ADORA2B: variants seen among roughly 807,000 people sequenced by gnomAD.
ADORA2B encodes adenosine receptor A2b.
In ADORA2B, 18 loss-of-function variants were observed where a neutral mutation model predicts 20.8. The ratio of observed to expected loss-of-function variants is 0.87; its 90% confidence interval spans 0.60 to 1.29. The LOEUF (loss-of-function observed/expected upper bound fraction) is 1.29. Ranked by LOEUF, ADORA2B falls within the 50% of genes most tolerant of loss-of-function variation. The pLI, the probability that ADORA2B is intolerant of heterozygous loss-of-function variation, is 0.00. For missense variants in ADORA2B, 441 were observed against 422.7 expected (o/e 1.04, Z -0.38); for synonymous variants, 179 against 178.3 (o/e 1.00, Z -0.03).
At chr17:15,850,837 A>G in the ADORA2B span, among the ~76,000 whole-genome samples, 22 of 152,150 alleles carry the variant, frequency 1.4e-4, no homozygotes, top group Non-Finnish European at 2.9e-4. Context: ...ACACTTACTC[A>G]TTTCACTTTA....
At chr17:15,912,701 A>C in the ADORA2B span, among the ~76,000 whole-genome samples, 39 of 152,344 alleles carry the variant, frequency 2.6e-4, no homozygotes, top group South Asian at 6.8e-3. Context: ...ATATGCAGGC[A>C]TATGTGAACA....
intron 1 of ADORA2B, among the ~76,000 whole-genome samples, chr17:15,970,625 G>C (rs556183787): frequency 1.2e-4 from 18 of 152,204 alleles, no homozygotes; most frequent in Non-Finnish European, 2.1e-4. Context: ...AAATAAGAGA[G>C]ATTGGACTAG....
the ADORA2B span, among the ~76,000 whole-genome samples, chr17:15,892,228 G>A: frequency 6.6e-6 from 1 of 151,920 alleles, no homozygotes; most frequent in Non-Finnish European, 1.5e-5. Context: ...GAGTGCAGTG[G>A]CGTGATCTAG....
the ADORA2B span, among the ~76,000 whole-genome samples, chr17:15,867,201 C>T: frequency 2.2e-4 from 34 of 151,872 alleles, no homozygotes; most frequent in East Asian, 1.6e-3. Flanking sequence ...TCTGCCCGGC[C>T]GCCACCCCGT....
chr17:15,928,302 G>A, the ADORA2B span, among the ~76,000 whole-genome samples: 1 of 152,234 alleles, frequency 6.6e-6, no homozygotes, highest in South Asian at 2.1e-4. Flanking sequence ...GAGAAATGGG[G>A]AGATCATCGG....
the ADORA2B span, among the ~76,000 whole-genome samples, chr17:15,910,838 A>C: frequency 6.6e-6 from 1 of 152,144 alleles, no homozygotes; most frequent in African/African-American, 2.4e-5. Flanking sequence ...TGGGCTCTGC[A>C]GGTCAGTGGA....
At chr17:15,857,316 A>G in the ADORA2B span, among the ~76,000 whole-genome samples, 1 of 152,204 alleles carries the variant, frequency 6.6e-6, no homozygotes, top group Non-Finnish European at 1.5e-5. Flanking sequence ...GCAGGGATGG[A>G]ACCCTCATGG....
In ADORA2B at chr17:15,975,142, A is replaced by G. The variant is rs535525132; in HGVS notation, c.799A>G (p.Lys267Glu). The change falls in exon 2 of 2, where the codon AAG becomes GAG. Residue 267 changes from lysine (K) to glutamate (E), a missense_variant. Physicochemically the swap from Lys to Glu is moderately conservative, Grantham distance 56. Transcript: ENST00000304222. ...TTTCCAGCCAGCTCAGGGTAAAAATAAGCCCAAGTGGGCAATGAATATGGC... is the reference window on the plus strand; with the variant it reads ...TTTCCAGCCAGCTCAGGGTAAAAATGAGCCCAAGTGGGCAATGAATATGGC... ...TLFQPAQGKN[K>E]PKWAMNMAIL... 3 of 1,614,208 alleles carry G rather than the reference A, an allele frequency of 1.9e-6. No homozygotes were observed. The African/African-American group carries it at 4.0e-5, about 22-fold the overall frequency.
the ADORA2B span, among the ~76,000 whole-genome samples, chr17:15,881,505 A>G: frequency 2.6e-5 from 4 of 152,236 alleles, no homozygotes; most frequent in Admixed American, 6.5e-5. Context: ...ATGGTTGTGC[A>G]GTCATCACTA....
At chr17:15,936,046 G>A in the ADORA2B span, among the ~76,000 whole-genome samples, 1 of 151,256 alleles carries the variant, frequency 6.6e-6, no homozygotes, top group Non-Finnish European at 1.5e-5. Flanking sequence ...GTTTTGTTTT[G>A]TTTTGTTTTT....
At chr17:15,962,917 T>A (rs998647394) in intron 1 of ADORA2B, among the ~76,000 whole-genome samples, 1 of 152,222 alleles carries the variant, frequency 6.6e-6, no homozygotes, top group Non-Finnish European at 1.5e-5. Flanking sequence ...CACTTTCTTA[T>A]ATTTTGGCAT....
the ADORA2B span, among the ~76,000 whole-genome samples, chr17:15,912,883 G>C: frequency 6.6e-6 from 1 of 152,196 alleles, no homozygotes; most frequent in Non-Finnish European, 1.5e-5. Flanking sequence ...TTTCGAGCCT[G>C]GGCTGTCTGA....
At chr17:15,918,109 C>G in the ADORA2B span, among the ~76,000 whole-genome samples, 1 of 152,194 alleles carries the variant, frequency 6.6e-6, no homozygotes, top group Non-Finnish European at 1.5e-5. Flanking sequence ...CTGGAAAAGG[C>G]CTTCTTCCCG....
At chr17:15,898,481 G>C in the ADORA2B span, among the ~76,000 whole-genome samples, 1 of 137,866 alleles carries the variant, frequency 7.3e-6, no homozygotes, top group Non-Finnish European at 1.5e-5. Context: ...TTGAGACAGA[G>C]TCTCAAAATC....
At chr17:15,962,807 C>T (rs922640911) in intron 1 of ADORA2B, among the ~76,000 whole-genome samples, 18 of 152,196 alleles carry the variant, frequency 1.2e-4, no homozygotes, top group African/African-American at 3.6e-4. Context: ...CATGAGCCAC[C>T]GCGCCCGGCC....
chr17:15,887,196 C>A, the ADORA2B span, among the ~76,000 whole-genome samples: 2 of 130,320 alleles, frequency 1.5e-5, no homozygotes, highest in Non-Finnish European at 3.2e-5. Context: ...GTCCTCTTGC[C>A]ATGGGAAGGC....
the ADORA2B span, among the ~76,000 whole-genome samples, chr17:15,901,984 C>A: frequency 6.6e-6 from 1 of 152,116 alleles, no homozygotes; most frequent in Non-Finnish European, 1.5e-5. Flanking sequence ...CAGCACTCTT[C>A]ATCTTCTCAA....
At chr17:15,918,684 C>T in the ADORA2B span, among the ~76,000 whole-genome samples, 1 of 152,046 alleles carries the variant, frequency 6.6e-6, no homozygotes, top group Non-Finnish European at 1.5e-5. Flanking sequence ...GTTGGCCAGG[C>T]TGGTCTCAAA....
chr17:15,900,720 G>C, the ADORA2B span, among the ~76,000 whole-genome samples: 2 of 152,172 alleles, frequency 1.3e-5, no homozygotes, highest in Admixed American at 6.5e-5. Flanking sequence ...AAAGTACTGA[G>C]ATTACAGGTG....
Sources: gnomAD v4.1 joint callset for allele counts (sites outside exome capture counted in the v4.1 genomes callset) on GRCh38, gnomAD v4.1.1 for gene constraint, MANE v1.5 for transcripts, NCBI Gene and HGNC (gene_info 2026-07-23, HGNC 2026-07-21) for gene names.